The following APP variants were observed in gnomAD, a reference collection of about 807,000 sequenced individuals.
APP encodes amyloid beta precursor protein.
APP carries 31 observed loss-of-function variants against 101.4 expected under a neutral mutation model. That is an observed-to-expected ratio of 0.31 (90% confidence interval 0.23 to 0.41). APP has a LOEUF of 0.41. Ranked by LOEUF, APP falls within the 10% of genes least tolerant of loss-of-function variation. The pLI is 1.00. For missense variants in APP, 839 were observed against 1,003.7 expected (o/e 0.84, Z 2.22); for synonymous variants, 366 against 364.4 (o/e 1.00, Z -0.05).
intron 3 of APP, among the ~76,000 whole-genome samples, chr21:26,062,257 A>C (rs2046299589): frequency 6.6e-6 from 1 of 151,102 alleles, no homozygotes; most frequent in Non-Finnish European, 1.5e-5. Flanking sequence ...ACACACACAC[A>C]CAGAATAGTG....
chr21:25,887,533 A>AC (rs1171867489), intron 17 of APP, among the ~76,000 whole-genome samples: 4 of 151,528 alleles, frequency 2.6e-5, no homozygotes, highest in South Asian at 4.2e-4. Context: ...AAAAAAAAAA[A>AC]AAAAAAACAA....
At chr21:26,083,474 G>T (rs992762146) in intron 3 of APP, among the ~76,000 whole-genome samples, 3 of 152,096 alleles carry the variant, frequency 2.0e-5, no homozygotes, top group Non-Finnish European at 2.9e-5. Context: ...AAACATACAT[G>T]AAAAAAATGT....
intron 1 of APP, among the ~76,000 whole-genome samples, chr21:26,121,631 C>A (rs1053904116): frequency 6.6e-6 from 1 of 152,068 alleles, no homozygotes. Flanking sequence ...CGTGAGCCAC[C>A]GCGCCTGGCC....
At chr21:26,155,637 T>C (rs2063359850) in intron 1 of APP, among the ~76,000 whole-genome samples, 1 of 152,352 alleles carries the variant, frequency 6.6e-6, no homozygotes, top group African/African-American at 2.4e-5. Flanking sequence ...TTTAAAACCA[T>C]GCTTTTGTTT....
At chr21:25,896,435 C>A (rs993637009) in intron 16 of APP, among the ~76,000 whole-genome samples, 13 of 148,720 alleles carry the variant, frequency 8.7e-5, no homozygotes, top group Non-Finnish European at 1.4e-4. Flanking sequence ...CACACACACA[C>A]AAAACAAAAC....
intron 1 of APP, among the ~76,000 whole-genome samples, chr21:26,116,820 A>G (rs1236544358): frequency 6.6e-6 from 1 of 152,238 alleles, no homozygotes. Context: ...CTGGCCTCAT[A>G]TAATGAAGTA....
intron 1 of APP, among the ~76,000 whole-genome samples, chr21:26,148,314 T>C (rs1344577129): frequency 6.6e-6 from 1 of 152,226 alleles, no homozygotes; most frequent in Non-Finnish European, 1.5e-5. Flanking sequence ...CACCAGTGCC[T>C]GGTCACCGCT....
At chr21:26,039,596 C>T (rs2045282384) in intron 5 of APP, among the ~76,000 whole-genome samples, 1 of 152,232 alleles carries the variant, frequency 6.6e-6, no homozygotes. Context: ...AGCCAATCCA[C>T]AGGCACGTGT....
At chr21:26,026,254 G>A (rs1568875194) in intron 5 of APP, among the ~76,000 whole-genome samples, 2 of 152,138 alleles carry the variant, frequency 1.3e-5, no homozygotes, top group Non-Finnish European at 2.9e-5. Context: ...ATTTATAGTG[G>A]GTGGCTTTTA....
chr21:26,079,131 G>A (rs1026790445), intron 3 of APP, among the ~76,000 whole-genome samples: 1 of 151,772 alleles, frequency 6.6e-6, no homozygotes, highest in Non-Finnish European at 1.5e-5. Context: ...AGAGGGTTCT[G>A]AAGACAAAGG....
intron 1 of APP, among the ~76,000 whole-genome samples, chr21:26,114,180 C>A (rs984007433): frequency 2.6e-5 from 4 of 152,190 alleles, no homozygotes; most frequent in African/African-American, 9.7e-5. Context: ...TGTTTATCCA[C>A]AATCTGTTCA....
At chr21:25,972,993 T>C (rs1327596787) in intron 11 of APP, among the ~76,000 whole-genome samples, 1 of 152,058 alleles carries the variant, frequency 6.6e-6, no homozygotes, top group East Asian at 1.9e-4. Context: ...CATAACATCA[T>C]CGTGACAAGT....
chr21:25,899,713 A>G lies in APP; in HGVS notation c.1964-2040T>C, dbSNP rs2038314721. On this transcript the variant is annotated intron_variant, in intron 15 of 17. Transcript: ENST00000346798. ...TGTGCCAGAACCATCCAGCTAAACC[A>G]CATCCCAAATCCTGACCTATAAAAA... Among the ~76,000 whole-genome samples the G allele has an allele frequency of 5.9e-5, 9 of 152,324 alleles. No homozygotes were observed. The South Asian group carries it at 1.9e-3, about 32-fold the overall frequency.
At chr21:26,049,333 C>T (rs1386507755) in intron 5 of APP, among the ~76,000 whole-genome samples, 2 of 152,108 alleles carry the variant, frequency 1.3e-5, no homozygotes, top group Non-Finnish European at 2.9e-5. Context: ...ATGGTTTATT[C>T]AACAAACACG....
chr21:26,014,650 T>C (rs975426572), intron 6 of APP, among the ~76,000 whole-genome samples: 2 of 152,178 alleles, frequency 1.3e-5, no homozygotes, highest in African/African-American at 4.8e-5. Flanking sequence ...GCCACTTTGT[T>C]CCTATCTCTG....
At chr21:26,069,615 C>G (rs1260481564) in intron 3 of APP, among the ~76,000 whole-genome samples, 1 of 152,172 alleles carries the variant, frequency 6.6e-6, no homozygotes, top group South Asian at 2.1e-4. Context: ...GTGTGAGACT[C>G]AATAAATACA....
Position 26,054,620 on chromosome 21 carries a change from GTTTTTT to G in APP, c.356-1278_356-1273del, listed in dbSNP as rs369608335. On this transcript the variant is annotated intron_variant, in intron 3 of 17. Transcript: ENST00000346798. ...TTGGAAGAAGCAACATAGGCCAAAA[GTTTTTT>G]TTTTTTTTTTTTTTTTTTTAAGATA... is the stretch of plus-strand genomic sequence containing the variant. Among the ~76,000 whole-genome samples, 61 of 108,002 alleles carry G rather than the reference GTTTTTT, an allele frequency of 5.6e-4. No individual in the cohort carries two copies. The South Asian group carries it at 7.0e-3, about 12-fold the overall frequency. 70.9% of individuals were successfully genotyped at this position (108,002 alleles called of 152,430 possible).
intron 2 of APP, among the ~76,000 whole-genome samples, chr21:26,091,674 G>A (rs140202123): frequency 6.6e-6 from 1 of 152,282 alleles, no homozygotes; most frequent in African/African-American, 2.4e-5. Flanking sequence ...ACAGGTGGAG[G>A]AGCAAAGTGA....
intron 5 of APP, among the ~76,000 whole-genome samples, chr21:26,042,944 C>G (rs1013126207): frequency 1.3e-5 from 2 of 152,006 alleles, no homozygotes; most frequent in African/African-American, 2.4e-5. Flanking sequence ...AATATAGTAT[C>G]TGGAACATAT....
Sources: gnomAD v4.1 joint callset for allele counts (sites outside exome capture counted in the v4.1 genomes callset) on GRCh38, gnomAD v4.1.1 for gene constraint, MANE v1.5 for transcripts, NCBI Gene and HGNC (gene_info 2026-07-23, HGNC 2026-07-21) for gene names.